Variants in ZDHHC13 observed in about 807,000 individuals in gnomAD.
ZDHHC13 encodes the protein palmitoyltransferase ZDHHC13.
Under a neutral mutation model 86.0 loss-of-function variants are expected in ZDHHC13, and 85 were observed. The ratio of observed to expected loss-of-function variants is 0.99; its 90% confidence interval spans 0.83 to 1.18. ZDHHC13 has a LOEUF of 1.18. Among genes scored for constraint, ZDHHC13 ranks in the 50% most tolerant of loss-of-function variants. The pLI is 0.00. For synonymous variants in ZDHHC13, 263 were observed against 246.4 expected (o/e 1.07, Z -0.63); for missense variants, 711 against 730.2 (o/e 0.97, Z 0.30).
chr11:19,154,683 T>C (rs1849708845), intron 8 of ZDHHC13, among the ~76,000 whole-genome samples: 1 of 152,194 alleles, frequency 6.6e-6, no homozygotes, highest in Non-Finnish European at 1.5e-5. Context: ...TATTTCAGTC[T>C]TTGATCTCCA....
chr11:19,175,419 G>GAAAAAAAATT (rs1373727102), intron 16 of ZDHHC13, among the ~76,000 whole-genome samples: 1 of 51,180 alleles, frequency 2.0e-5, no homozygotes, highest in African/African-American at 5.6e-5. Flanking sequence ...AAAAAAAAAG[G>GAAAAAAAATT]TTTAGGGAAA....
intron 1 of ZDHHC13, among the ~76,000 whole-genome samples, chr11:19,134,279 T>G (rs1849073699): frequency 3.3e-5 from 5 of 152,140 alleles, no homozygotes; most frequent in Admixed American, 3.3e-4. Context: ...GAGGATCGCT[T>G]GAGGCCAGGA....
At chr11:19,168,090 A>G (rs1406548850) in intron 14 of ZDHHC13, 2 of 152,244 alleles carry the variant, frequency 1.3e-5, no homozygotes, top group African/African-American at 2.4e-5. Context: ...GAAGTACTGC[A>G]CCTGGCCAGC....
intron 1 of ZDHHC13, among the ~76,000 whole-genome samples, chr11:19,142,459 A>G (rs922784973): frequency 6.6e-6 from 1 of 152,124 alleles, no homozygotes; most frequent in South Asian, 2.1e-4. Flanking sequence ...CCTGTGCTCA[A>G]GAGGAAGGAA....
At chr11:19,139,926 A>G (rs1849262821) in intron 1 of ZDHHC13, among the ~76,000 whole-genome samples, 1 of 143,844 alleles carries the variant, frequency 7.0e-6, no homozygotes, top group South Asian at 2.3e-4. Context: ...AAGATGGATT[A>G]AAGACTTAAA....
intron 15 of ZDHHC13, among the ~76,000 whole-genome samples, chr11:19,172,282 AG>A (rs1439286012): frequency 6.6e-6 from 1 of 152,128 alleles, no homozygotes; most frequent in African/African-American, 2.4e-5. Context: ...CACGTTGGCC[AG>A]GCTGCTCTCG....
chr11:19,145,380 A>G (rs1849432963), intron 2 of ZDHHC13, among the ~76,000 whole-genome samples: 1 of 152,170 alleles, frequency 6.6e-6, no homozygotes, highest in Admixed American at 6.5e-5. Context: ...TGCTCTAAGC[A>G]GCTTCCATAC....
intron 1 of ZDHHC13, among the ~76,000 whole-genome samples, chr11:19,122,001 A>G (rs1038973101): frequency 6.6e-6 from 1 of 152,080 alleles, no homozygotes; most frequent in Non-Finnish European, 1.5e-5. Flanking sequence ...CTTCTTCCCT[A>G]TCTTTTGAGA....
Position 19,142,980 on chromosome 11 carries a change from C to A in ZDHHC13, c.30C>A (p.Cys10Ter). Residue 10 changes from cysteine to a stop codon, truncating the protein, a stop_gained and splice_region_variant, in exon 2 of 17, where the codon TGC becomes TGA. Transcript: ENST00000446113. LOFTEE classifies it high-confidence loss of function. MEGPGLGSQ[C>*]RNHSHGPHPP... ...GTCAAATGACTCTTACTCTTCAGTG[C>A]AGGAATCACAGCCATGGCCCCCACC... 6.2e-7 allele frequency: 1 copy of A among 1,606,066 alleles called. No homozygotes were observed. The highest frequency in any genetic ancestry group is 8.5e-7 in the Non-Finnish European group (1 of 1,175,632).
chr11:19,131,104 C>T (rs938481404), intron 1 of ZDHHC13, among the ~76,000 whole-genome samples: 3 of 152,100 alleles, frequency 2.0e-5, no homozygotes, highest in Non-Finnish European at 4.4e-5. Flanking sequence ...CTGCAAGCTC[C>T]GCCTCCCGGC....
chr11:19,142,998 C>G lies in ZDHHC13; in HGVS notation c.48C>G (p.Gly16=). 1 of 1,609,638 alleles carries G rather than the reference C, an allele frequency of 6.2e-7. No homozygotes were observed. The highest frequency in any genetic ancestry group is 8.5e-7 in the Non-Finnish European group (1 of 1,177,662). The change falls in exon 2 of 17, where the codon GGC becomes GGG. Residue 16 remains glycine (G), a synonymous_variant. Transcript: ENST00000446113. ...LGSQCRNHSH[G]PHPPGFGRYG... Reference sequence around the variant, plus strand: ...TTCAGTGCAGGAATCACAGCCATGGCCCCCACCCTCCAGGATTTGGTCGAT... The same window carrying G: ...TTCAGTGCAGGAATCACAGCCATGGGCCCCACCCTCCAGGATTTGGTCGAT...
At chr11:19,137,030 A>G (rs1849161720) in intron 1 of ZDHHC13, among the ~76,000 whole-genome samples, 1 of 152,166 alleles carries the variant, frequency 6.6e-6, no homozygotes, top group Admixed American at 6.5e-5. Context: ...ATAACCAGCT[A>G]ACATCATAAT....
intron 3 of ZDHHC13, among the ~76,000 whole-genome samples, chr11:19,146,704 T>C (rs1849477371): frequency 6.6e-6 from 1 of 152,158 alleles, no homozygotes; most frequent in African/African-American, 2.4e-5. Flanking sequence ...AAAAACTAAA[T>C]ATGGAATATA....
At chr11:19,155,028 A>G (rs1461117694) in intron 8 of ZDHHC13, among the ~76,000 whole-genome samples, 2 of 152,204 alleles carry the variant, frequency 1.3e-5, no homozygotes, top group Non-Finnish European at 2.9e-5. Flanking sequence ...TTCTCCAAAC[A>G]TAGCTCATCT....
At chr11:19,126,195 G>C (rs962692311) in intron 1 of ZDHHC13, among the ~76,000 whole-genome samples, 9 of 151,908 alleles carry the variant, frequency 5.9e-5, no homozygotes, top group African/African-American at 2.2e-4. Context: ...ATGTCATGGG[G>C]GTTTGTTGTA....
In ZDHHC13 at chr11:19,176,220, G is replaced by A; in HGVS notation, c.*260G>A. 2 of 297,196 alleles carry A rather than the reference G, an allele frequency of 6.7e-6. No homozygotes were observed. The highest frequency in any genetic ancestry group is 6.9e-5 in the East Asian group (1 of 14,424). The allele number at this position is 297,196 out of a possible 1,614,324, so 18.4% of individuals were successfully genotyped here. On this transcript the variant is annotated 3_prime_UTR_variant, in exon 17 of 17. Transcript: ENST00000446113. Reference sequence around the variant, plus strand: ...CAAGAAAATGCAAGTTACTTTTTTTGGAAATAATACTCACTGATTATGGAT... The same window carrying A: ...CAAGAAAATGCAAGTTACTTTTTTTAGAAATAATACTCACTGATTATGGAT...
chr11:19,170,224 T>A, intron 14 of ZDHHC13, 187 bp from the exon 15 acceptor site: 1 of 1,403,402 alleles, frequency 7.1e-7, no homozygotes, highest in Non-Finnish European at 9.2e-7. Context: ...CAATTAACAT[T>A]GAGCCACCAT....
chr11:19,125,649 T>C (rs1003233392), intron 1 of ZDHHC13, among the ~76,000 whole-genome samples: 5 of 152,212 alleles, frequency 3.3e-5, no homozygotes, highest in Non-Finnish European at 7.4e-5. Context: ...CGAATATTTT[T>C]AGCAGCTCTG....
intron 14 of ZDHHC13, 60 bp from the exon 15 acceptor site, chr11:19,170,351 G>C: frequency 6.8e-7 from 1 of 1,471,978 alleles, no homozygotes; most frequent in Non-Finnish European, 8.9e-7. Flanking sequence ...TTATCTTCTT[G>C]GAGACTGATA....
Sources: allele counts gnomAD v4.1 joint callset (sites outside exome capture counted in the v4.1 genomes callset), GRCh38; gene constraint gnomAD v4.1.1; transcripts MANE v1.5; gene names NCBI Gene and HGNC (gene_info 2026-07-23, HGNC 2026-07-21).